The following BBS9 variants were observed in gnomAD, a reference collection of about 807,000 sequenced individuals.
The protein encoded by BBS9 is protein PTHB1.
Under a neutral mutation model 117.7 loss-of-function variants are expected in BBS9, and 89 were observed. The observed-to-expected ratio is 0.76, with a 90% CI of 0.64 to 0.90. The LOEUF is 0.90. Ranked by LOEUF, BBS9 falls within the 40% of genes least tolerant of loss-of-function variation. BBS9 has a pLI of 0.00. For synonymous variants in BBS9, 379 were observed against 370.9 expected, an observed-to-expected ratio of 1.02 and a Z score of -0.25; for missense variants, 982 against 1,042.2, an observed-to-expected ratio of 0.94 and a Z score of 0.80.
chr7:33,133,690 A>G (rs1009850749), intron 1 of BBS9, among the ~76,000 whole-genome samples: 3 of 152,148 alleles, frequency 2.0e-5, no homozygotes, highest in Non-Finnish European at 4.4e-5. Context: ...TTTTGTTTAT[A>G]TATTCATCAG....
At chr7:33,407,793 A>C (rs1830318896) in intron 19 of BBS9, among the ~76,000 whole-genome samples, 1 of 152,068 alleles carries the variant, frequency 6.6e-6, no homozygotes. Flanking sequence ...GTTCCTCTGG[A>C]AGTTTTGTCT....
intron 16 of BBS9, among the ~76,000 whole-genome samples, chr7:33,358,801 T>G (rs1820101651): frequency 1.3e-5 from 2 of 151,958 alleles, no homozygotes; most frequent in Non-Finnish European, 2.9e-5. Context: ...CACCTTTGCA[T>G]TAGTGGATAA....
Position 33,155,645 on chromosome 7 carries a change from G to C in BBS9, c.271G>C (p.Glu91Gln). The C allele has an allele frequency of 6.3e-7, 1 of 1,591,722 alleles. No individual in the cohort carries two copies. Among genetic ancestry groups the C allele is most frequent in the Non-Finnish European group, 8.6e-7 (1 of 1,163,946 alleles). ...VEVGKFVSGTEMLHLAVLHSR... is the reference protein window; with the variant it reads ...VEVGKFVSGTQMLHLAVLHSR... ...ACTTTCTCTGTTTTTCAGAGGTACC[G>C]AAATGCTACATTTGGCTGTGTTACA... The change falls in exon 4 of 23, where the codon GAA becomes CAA. Residue 91 changes from glutamate (E) to glutamine (Q), a missense_variant. Glu to Gln is a conservative substitution (Grantham distance 29). Transcript: ENST00000242067.
At chr7:33,352,631 A>G (rs924243207) in intron 14 of BBS9, among the ~76,000 whole-genome samples, 1 of 152,066 alleles carries the variant, frequency 6.6e-6, no homozygotes, top group African/African-American at 2.4e-5. Flanking sequence ...TAGACTTCTG[A>G]GAATGGAAAT....
chr7:33,409,230 A>T (rs956130914), intron 19 of BBS9, among the ~76,000 whole-genome samples: 1 of 152,196 alleles, frequency 6.6e-6, no homozygotes, highest in Non-Finnish European at 1.5e-5. Flanking sequence ...ATTCGTTGCC[A>T]CAGCTGATAT....
intron 21 of BBS9, among the ~76,000 whole-genome samples, chr7:33,579,819 T>G (rs2129156357): frequency 6.6e-6 from 1 of 152,272 alleles, no homozygotes; most frequent in East Asian, 1.9e-4. Flanking sequence ...ACTAAGCAGT[T>G]TATGTTCAAC....
chr7:33,224,638 C>T (rs1440670946), intron 5 of BBS9, among the ~76,000 whole-genome samples: 1 of 152,108 alleles, frequency 6.6e-6, no homozygotes, highest in Admixed American at 6.6e-5. Flanking sequence ...ACTTACTTGT[C>T]GAATAGGTTG....
At chr7:33,240,194 A>G (rs1200974170) in intron 5 of BBS9, among the ~76,000 whole-genome samples, 1 of 151,434 alleles carries the variant, frequency 6.6e-6, no homozygotes, top group Non-Finnish European at 1.5e-5. Flanking sequence ...TGAATGCCAT[A>G]CCATATAAAA....
chr7:33,302,873 A>G (rs993417063), intron 9 of BBS9, among the ~76,000 whole-genome samples: 1 of 152,174 alleles, frequency 6.6e-6, no homozygotes, highest in African/African-American at 2.4e-5. Context: ...TTTGGGTAGT[A>G]TGGACATTTT....
intron 20 of BBS9, among the ~76,000 whole-genome samples, chr7:33,506,029 A>C (rs1300802814): frequency 1.3e-5 from 2 of 152,212 alleles, no homozygotes; most frequent in African/African-American, 2.4e-5. Flanking sequence ...CTTAAATTTA[A>C]GTGTCACTTC....
chr7:33,248,271 T>A (rs1795678142), intron 5 of BBS9, among the ~76,000 whole-genome samples: 1 of 152,226 alleles, frequency 6.6e-6, no homozygotes, highest in African/African-American at 2.4e-5. Context: ...TTTCTTCTGT[T>A]TACTTCAGGT....
intron 9 of BBS9, among the ~76,000 whole-genome samples, chr7:33,300,392 A>G (rs1037211954): frequency 6.6e-6 from 1 of 152,234 alleles, no homozygotes. Context: ...TCCAGTTCAC[A>G]GATGCTGTAC....
chr7:33,129,410 C>T (rs559639718), upstream of BBS9: 362 of 303,754 alleles, frequency 1.2e-3, 1 homozygote, highest in Middle Eastern at 9.3e-3. Flanking sequence ...GGCCGTGGTT[C>T]ACTCGAGCCC....
chr7:33,263,753 T>C (rs958065857), intron 6 of BBS9, among the ~76,000 whole-genome samples: 1 of 152,138 alleles, frequency 6.6e-6, no homozygotes, highest in Non-Finnish European at 1.5e-5. Flanking sequence ...TAATTTATTG[T>C]TTAATCCTTT....
At chr7:33,434,526 T>C (rs1835015075) in intron 19 of BBS9, among the ~76,000 whole-genome samples, 1 of 152,120 alleles carries the variant, frequency 6.6e-6, no homozygotes, top group African/African-American at 2.4e-5. Flanking sequence ...TGTAGCTAAA[T>C]ATTTGAACGG....
chr7:33,480,459 TAATA>T (rs771370800), intron 19 of BBS9, among the ~76,000 whole-genome samples: 59 of 152,110 alleles, frequency 3.9e-4, no homozygotes, highest in Admixed American at 1.4e-3. Flanking sequence ...ATAGCGTAGG[TAATA>T]AATAAATGGC....
At chr7:33,244,608 A>G (rs183246756) in intron 5 of BBS9, among the ~76,000 whole-genome samples, 64 of 152,254 alleles carry the variant, frequency 4.2e-4, no homozygotes, top group African/African-American at 1.4e-3. Context: ...CATTCCTACC[A>G]TGTTCTATGT....
At chr7:33,508,299 A>G (rs1383581808) in intron 20 of BBS9, among the ~76,000 whole-genome samples, 3 of 152,208 alleles carry the variant, frequency 2.0e-5, no homozygotes, top group Admixed American at 6.5e-5. Flanking sequence ...TGATTAGGTA[A>G]TACAGGGGAA....
intron 21 of BBS9, among the ~76,000 whole-genome samples, chr7:33,569,690 A>G (rs1474003086): frequency 1.3e-5 from 2 of 152,038 alleles, no homozygotes; most frequent in African/African-American, 4.8e-5. Flanking sequence ...TGAACCCGGG[A>G]GGAGGAAATT....
Sources: allele counts gnomAD v4.1 joint callset (sites outside exome capture counted in the v4.1 genomes callset), GRCh38; gene constraint gnomAD v4.1.1; transcripts MANE v1.5; gene names NCBI Gene and HGNC (gene_info 2026-07-23, HGNC 2026-07-21).